The following VPS53 variants were observed in gnomAD, a reference collection of about 807,000 sequenced individuals.
VPS53 encodes VPS53 subunit of GARP complex.
A neutral mutation model predicts 107.0 loss-of-function variants in VPS53; 70 were observed. The ratio of observed to expected loss-of-function variants is 0.65; its 90% CI spans 0.54 to 0.80. VPS53 has a LOEUF of 0.80. Ranked by LOEUF, VPS53 falls within the 30% of genes least tolerant of loss-of-function variation. VPS53 has a pLI of 0.00. For synonymous variants in VPS53, 409 were observed against 393.3 expected, an observed-to-expected ratio of 1.04 and a Z score of -0.47; for missense variants, 917 against 1,049.4, an observed-to-expected ratio of 0.87 and a Z score of 1.74.
intron 7 of VPS53, among the ~76,000 whole-genome samples, chr17:645,213 T>G (rs938893366): frequency 2.0e-5 from 3 of 152,204 alleles, no homozygotes; most frequent in African/African-American, 4.8e-5. Flanking sequence ...AAAAAGCCTG[T>G]TGGAGAAATG....
chr17:521,511 G>C, intron 20 of VPS53, 90 bp downstream of exon 20: 2 of 1,378,980 alleles, frequency 1.5e-6, no homozygotes, highest in Non-Finnish European at 1.9e-6. Flanking sequence ...AGGCCGGTGA[G>C]GATAGGACCT....
At chr17:609,434 G>T (rs1223853853) in intron 11 of VPS53, among the ~76,000 whole-genome samples, 1 of 152,122 alleles carries the variant, frequency 6.6e-6, no homozygotes, top group African/African-American at 2.4e-5. Flanking sequence ...GAATAGTGTT[G>T]CTATGAACAT....
intron 4 of VPS53, among the ~76,000 whole-genome samples, chr17:683,933 T>C (rs1386613593): frequency 6.6e-6 from 1 of 152,090 alleles, no homozygotes; most frequent in Non-Finnish European, 1.5e-5. Context: ...ATAGCAACAG[T>C]GATGGTGTTC....
intron 4 of VPS53, among the ~76,000 whole-genome samples, chr17:678,977 A>T (rs866814035): frequency 1.4e-4 from 21 of 152,172 alleles, no homozygotes; most frequent in African/African-American, 5.1e-4. Context: ...AGATGTGGCC[A>T]AAGTGGCATT....
chr17:543,477 T>C (rs566301080), intron 17 of VPS53, among the ~76,000 whole-genome samples: 1 of 152,172 alleles, frequency 6.6e-6, no homozygotes, highest in East Asian at 2.0e-4. Context: ...TGTTTGCTTC[T>C]GAACAGAGAC....
intron 18 of VPS53, among the ~76,000 whole-genome samples, chr17:535,230 G>A (rs1396150352): frequency 5.9e-5 from 9 of 152,310 alleles, no homozygotes; most frequent in East Asian, 1.9e-4. Context: ...GTGAGGGGGG[G>A]CATCCAATTC....
intron 4 of VPS53, among the ~76,000 whole-genome samples, chr17:672,175 ATC>A (rs10539620): frequency 0.4 from 42,860 of 106,980 alleles, 7,478 homozygotes; most frequent in East Asian, 0.53. Flanking sequence ...CACAATCTCA[ATC>A]TCTCTCTCTC....
At chr17:615,961 G>C (rs1190423217) in intron 11 of VPS53, 1 of 152,270 alleles carries the variant, frequency 6.6e-6, no homozygotes, top group Admixed American at 6.5e-5. Context: ...TAAAGGTGAA[G>C]AAGGTCGTGC....
At chr17:585,411 C>G (rs1967259097) in intron 13 of VPS53, among the ~76,000 whole-genome samples, 1 of 152,178 alleles carries the variant, frequency 6.6e-6, no homozygotes, top group Non-Finnish European at 1.5e-5. Flanking sequence ...AATTCCAGCA[C>G]TTTGGGAGGC....
At chr17:551,687 C>A in intron 17 of VPS53, 185 bp downstream of exon 17, 1 of 422,092 alleles carries the variant, frequency 2.4e-6, no homozygotes, top group Middle Eastern at 6.5e-4. Flanking sequence ...TCTAAAAGGA[C>A]AAGCAACTGA....
intron 7 of VPS53, among the ~76,000 whole-genome samples, chr17:645,901 T>A (rs1970675307): frequency 8.0e-6 from 1 of 125,232 alleles, no homozygotes; most frequent in Non-Finnish European, 1.7e-5. Context: ...GATAAGGGTC[T>A]TATCTTTTCT....
intron 8 of VPS53, among the ~76,000 whole-genome samples, 164 bp from the exon 9 acceptor site, chr17:628,395 C>CT (rs1253022572): frequency 5.9e-5 from 9 of 152,198 alleles, no homozygotes; most frequent in African/African-American, 2.2e-4. Context: ...CCTGCTGCTC[C>CT]TCGAGGATGG....
At chr17:631,456 T>C in intron 8 of VPS53, 94 bp downstream of exon 8, 1 of 1,330,272 alleles carries the variant, frequency 7.5e-7, no homozygotes, top group South Asian at 1.2e-5. Context: ...CCAGCGAGCA[T>C]GACTGGAATG....
chr17:519,363 G>A lies in VPS53; in HGVS notation c.2329-65C>T, dbSNP rs745760125. On this transcript the variant is annotated intron_variant, in intron 21 of 21. Coordinates refer to ENST00000437048, the MANE Select transcript of VPS53 (RefSeq NM_001128159.3). The surrounding 1 kb of genome is among the most constrained non-coding windows in gnomAD (Gnocchi z 5.0). ...GCCAGAATGGCCCACGGGGGACAGC[G>A]CAGTATCTGGATATGGGGTCAGCAG... 91 of 1,410,116 alleles carry A rather than the reference G, an allele frequency of 6.5e-5. No homozygotes were observed. Among genetic ancestry groups the A allele is most frequent in the Admixed American group, 1.2e-4 (4 of 32,164 alleles). 87.4% of individuals were successfully genotyped at this position (1,410,116 alleles called of 1,614,324 possible).
chr17:615,084 C>A (rs1969075457), intron 11 of VPS53, among the ~76,000 whole-genome samples: 2 of 152,178 alleles, frequency 1.3e-5, no homozygotes, highest in Non-Finnish European at 2.9e-5. Flanking sequence ...ACTAATAATG[C>A]ATATGGATCC....
At chr17:676,536 C>T (rs370861) in intron 4 of VPS53, 150,928 of 152,336 alleles carry the variant, frequency 0.99, 74,786 homozygotes, top group East Asian at 1. Context: ...TCTTGAGACG[C>T]AGAGTCTAGT....
At chr17:610,475 T>G (rs1968809150) in intron 11 of VPS53, among the ~76,000 whole-genome samples, 1 of 152,140 alleles carries the variant, frequency 6.6e-6, no homozygotes, top group Non-Finnish European at 1.5e-5. Context: ...ACGTAACAGT[T>G]TCTTGGATAT....
At chr17:661,770 C>T in intron 5 of VPS53, 39 bp downstream of exon 5, 3 of 1,537,040 alleles carry the variant, frequency 2.0e-6, no homozygotes, top group Middle Eastern at 1.7e-4. Context: ...CTCACTTCCT[C>T]TTTTGGTGCA....
intron 17 of VPS53, among the ~76,000 whole-genome samples, chr17:546,326 ATC>A (rs757631749): frequency 5.0e-4 from 49 of 98,428 alleles, no homozygotes; most frequent in African/African-American, 1.1e-3. Flanking sequence ...TATCTTAGAT[ATC>A]TCACACACAC....
Sources: gnomAD v4.1 joint callset for allele counts (sites outside exome capture counted in the v4.1 genomes callset) on GRCh38, gnomAD v4.1.1 for gene constraint, Gnocchi (gnomAD v3.1) non-coding constraint, MANE v1.5 for transcripts, NCBI Gene and HGNC (gene_info 2026-07-23, HGNC 2026-07-21) for gene names.